Variants in PICALM observed in about 807,000 individuals in gnomAD.
PICALM encodes the protein phosphatidylinositol binding clathrin assembly protein, also known as phosphatidylinositol-binding clathrin assembly protein.
PICALM carries 40 observed loss-of-function variants against 80.5 expected under a neutral mutation model. That is an observed-to-expected ratio of 0.50 (90% CI 0.39 to 0.65). The LOEUF (loss-of-function observed/expected upper bound fraction) is 0.65, where lower values mean the gene tolerates loss of function less well. Among genes scored for constraint, PICALM ranks in the 30% least tolerant of loss-of-function variants. The probability of loss-of-function intolerance (pLI) is 0.00; values close to 1 mark genes in which losing one functional copy is unlikely to be tolerated. For synonymous variants in PICALM, 288 were observed against 260.3 expected (o/e 1.11, Z -1.02); for missense variants, 676 against 778.9 (o/e 0.87, Z 1.57).
intron 8 of PICALM, chr11:86,003,801 T>A (rs1328716921): frequency 1.2e-5 from 2 of 163,304 alleles, no homozygotes; most frequent in Non-Finnish European, 2.6e-5. Flanking sequence ...AAGCACCTGA[T>A]GAGCAACTGA....
At chr11:86,059,870 T>TAAA (rs58190208) in intron 1 of PICALM, among the ~76,000 whole-genome samples, 1 of 138,792 alleles carries the variant, frequency 7.2e-6, no homozygotes, top group African/African-American at 2.6e-5. Context: ...AGTTTTGACA[T>TAAA]AAAAAAAAAA....
chr11:86,002,086 T>C (rs930314026), intron 9 of PICALM, among the ~76,000 whole-genome samples: 1 of 152,182 alleles, frequency 6.6e-6, no homozygotes, highest in Non-Finnish European at 1.5e-5. Flanking sequence ...GTGACAGAAA[T>C]GCAAGAAAAC....
chr11:86,033,269 GGTGT>G (rs60585705), intron 1 of PICALM, among the ~76,000 whole-genome samples: 2 of 151,482 alleles, frequency 1.3e-5, no homozygotes, highest in Admixed American at 6.6e-5. Flanking sequence ...CATGGTGCAT[GGTGT>G]GTGTGTATAT....
In PICALM at chr11:86,059,694, C is replaced by G. The variant is rs550489843; in HGVS notation, c.130+8957G>C. ...AGAGAATCCCTTGAGCCCAAGAGTT[C>G]AGAGTTACAGTAAGCCATGATCATG... On this transcript the variant is annotated intron_variant, in intron 1 of 19. Coordinates refer to ENST00000393346, the MANE Select transcript of PICALM (RefSeq NM_007166.4). 2.0e-5 allele frequency among the ~76,000 whole-genome samples: 3 copies of G among 152,196 alleles called. No individual in the cohort carries two copies. In the East Asian group the frequency reaches 5.8e-4, roughly 29 times the overall value.
chr11:86,023,699 T>C (rs993853469), intron 3 of PICALM, among the ~76,000 whole-genome samples: 4 of 152,242 alleles, frequency 2.6e-5, no homozygotes, highest in South Asian at 4.1e-4. Context: ...TTGTTTTCCA[T>C]AGACTTTTAA....
rs2095135098 is a variant in PICALM at position 86,001,255 on chromosome 11, A to C, written c.894-97T>G. ...TCTGGCAACCTTGCCATGGATAGGC[A>C]CTATAATTATAAACTTAACTTCTGG... On this transcript the variant is annotated intron_variant, in intron 9 of 19. Transcript: ENST00000393346. 1.5e-5 allele frequency: 16 copies of C among 1,102,036 alleles called. 1 individual carries two copies. In the South Asian group the frequency reaches 2.2e-4, roughly 15 times the overall value. The allele number at this position is 1,102,036 out of a possible 1,614,324, so 68.3% of individuals were successfully genotyped here.
At chr11:85,965,665 C>T (rs1443391638) in intron 19 of PICALM, among the ~76,000 whole-genome samples, 2 of 152,078 alleles carry the variant, frequency 1.3e-5, no homozygotes, top group Admixed American at 1.3e-4. Context: ...AGGGGTCTGT[C>T]CTTTGGGTTA....
chr11:86,054,801 G>A, intron 1 of PICALM, among the ~76,000 whole-genome samples: 1 of 152,076 alleles, frequency 6.6e-6, no homozygotes, highest in East Asian at 1.9e-4. Flanking sequence ...TTGAGACGGA[G>A]TTTCACTCTT....
Position 86,044,263 on chromosome 11 carries a change from T to G in PICALM, c.131-12652A>C, listed in dbSNP as rs541420542. On this transcript the variant is annotated intron_variant, in intron 1 of 19. Coordinates refer to ENST00000393346, the MANE Select transcript of PICALM (RefSeq NM_007166.4). The stretch of plus-strand genomic sequence containing the variant: ...GAAGGAGCCCCACATAAAATGACTT[T>G]TAAGAATTATGGCAACAGTGGTAGT... 6.5e-4 allele frequency among the ~76,000 whole-genome samples: 99 copies of G among 152,254 alleles called. No homozygotes were observed. The South Asian group carries it at 0.02, about 31-fold the overall frequency.
intron 19 of PICALM, among the ~76,000 whole-genome samples, chr11:85,970,509 A>G (rs894644988): frequency 2.6e-5 from 4 of 152,234 alleles, no homozygotes; most frequent in Admixed American, 6.5e-5. Flanking sequence ...TTAAATGTTC[A>G]GTTATATTTA....
chr11:85,980,350 G>A (rs909798398), intron 17 of PICALM, among the ~76,000 whole-genome samples: 5 of 152,182 alleles, frequency 3.3e-5, no homozygotes, highest in Non-Finnish European at 5.9e-5. Context: ...ACAGCCTTAA[G>A]CAAGTCACTT....
chr11:85,987,613 T>C (rs2094614748), intron 13 of PICALM, among the ~76,000 whole-genome samples: 2 of 152,230 alleles, frequency 1.3e-5, no homozygotes, highest in African/African-American at 4.8e-5. Flanking sequence ...AATTATGATG[T>C]GGTCCACATA....
At chr11:85,988,056 C>T (rs977999701) in intron 13 of PICALM, among the ~76,000 whole-genome samples, 2 of 152,148 alleles carry the variant, frequency 1.3e-5, no homozygotes, top group Non-Finnish European at 2.9e-5. Context: ...AATCAAGAGC[C>T]TCAATTCTTT....
At chr11:86,026,172 C>T (rs2136628195) in intron 3 of PICALM, 120 bp downstream of exon 3, 1 of 617,572 alleles carries the variant, frequency 1.6e-6, no homozygotes, top group Non-Finnish European at 2.9e-6. Flanking sequence ...TTTCCTACAA[C>T]CTTCACTAAA....
intron 8 of PICALM, among the ~76,000 whole-genome samples, chr11:86,003,930 G>C (rs1352578557): frequency 6.6e-6 from 1 of 152,138 alleles, no homozygotes; most frequent in Middle Eastern, 3.2e-3. Context: ...AATGACTAAA[G>C]TTAAATACAT....
chr11:86,039,034 C>T (rs1172111266), intron 1 of PICALM, among the ~76,000 whole-genome samples: 3 of 151,188 alleles, frequency 2.0e-5, no homozygotes, highest in Non-Finnish European at 4.4e-5. Context: ...TAACTTGAAT[C>T]TGGGAGGCAG....
intron 5 of PICALM, 41 bp downstream of exon 5, chr11:86,014,828 AC>A: frequency 3.5e-6 from 4 of 1,131,612 alleles, no homozygotes; most frequent in Non-Finnish European, 3.8e-6. Flanking sequence ...AATTATAATG[AC>A]CTAATTTTTT....
intron 12 of PICALM, among the ~76,000 whole-genome samples, chr11:85,995,922 A>G (rs1362871949): frequency 6.6e-6 from 1 of 152,180 alleles, no homozygotes; most frequent in Non-Finnish European, 1.5e-5. Context: ...AAATTAAACT[A>G]GCCTTCAAAG....
At chr11:85,965,417 GAGACCATGGTGCTACTAAAT>G (rs1305889627) in intron 19 of PICALM, among the ~76,000 whole-genome samples, 1 of 152,116 alleles carries the variant, frequency 6.6e-6, no homozygotes, top group Non-Finnish European at 1.5e-5. Flanking sequence ...AAAACATTTA[GAGACCATGGTGCTACTAAAT>G]AGGATTCCAC....
Sources: gnomAD v4.1 joint callset for allele counts (sites outside exome capture counted in the v4.1 genomes callset) on GRCh38, gnomAD v4.1.1 for gene constraint, MANE v1.5 for transcripts, NCBI Gene and HGNC (gene_info 2026-07-23, HGNC 2026-07-21) for gene names.